Variants in DHRS7 observed in about 807,000 individuals in gnomAD.
The protein encoded by DHRS7 is dehydrogenase/reductase SDR family member 7.
In DHRS7, 34 loss-of-function variants were observed where a neutral mutation model predicts 38.9. That is an observed-to-expected ratio of 0.87 (90% CI 0.66 to 1.16). The LOEUF is 1.16. Ranked by LOEUF, DHRS7 falls within the 50% of genes most tolerant of loss-of-function variation. The pLI is 0.00. For synonymous variants in DHRS7, 158 were observed against 153.1 expected, an observed-to-expected ratio of 1.03 and a Z score of -0.24; for missense variants, 421 against 407.0, an observed-to-expected ratio of 1.03 and a Z score of -0.30.
At chr14:60,165,523 A>G (rs1013370363), upstream of DHRS7, 78 of 1,282,622 alleles carry the variant, frequency 6.1e-5, 2 homozygotes, top group Admixed American at 2.6e-3. The surrounding 1 kb of genome is among the most constrained non-coding windows in gnomAD (Gnocchi z 4.6). Context: ...CCGCGCCCTC[A>G]TGCGGCACAC....
chr14:60,167,704 CAG>C (rs1034500214), upstream of DHRS7, among the ~76,000 whole-genome samples: 2 of 152,206 alleles, frequency 1.3e-5, no homozygotes, highest in African/African-American at 4.8e-5. Flanking sequence ...TGAGTGGAAA[CAG>C]GGACTGAGGA....
intron 1 of DHRS7, chr14:60,159,041 A>G (rs1896711703): frequency 2.2e-6 from 1 of 459,126 alleles, no homozygotes; most frequent in Non-Finnish European, 4.4e-6. Flanking sequence ...ACATTCATCA[A>G]GGATTTTGTA....
At chr14:60,168,585 A>T, upstream of DHRS7, 1 of 1,351,458 alleles carries the variant, frequency 7.4e-7, no homozygotes, top group Admixed American at 2.8e-5. Context: ...TAAAGTAAAA[A>T]GTTAAAAAAA....
At chr14:60,165,528 G>C (rs1254028), upstream of DHRS7, 255,121 of 1,277,794 alleles carry the variant, frequency 0.2, 40,739 homozygotes, top group African/African-American at 0.81. This position sits in a 1 kb window ranked among gnomAD's most constrained non-coding sequence, Gnocchi z 4.6. Flanking sequence ...CCCTCATGCG[G>C]CACACCCGGC....
intron 4 of DHRS7, among the ~76,000 whole-genome samples, chr14:60,150,687 G>A (rs1469821455): frequency 6.6e-6 from 1 of 152,168 alleles, no homozygotes; most frequent in Admixed American, 6.5e-5. Context: ...TGGTGTATAT[G>A]TGCCACATTT....
At chr14:60,163,195 G>T (rs1405290155) in intron 1 of DHRS7, among the ~76,000 whole-genome samples, 1 of 124,420 alleles carries the variant, frequency 8.0e-6, no homozygotes, top group Admixed American at 9.1e-5. Context: ...AAGAAAAAAA[G>T]CTTACTCCTT....
upstream of DHRS7, among the ~76,000 whole-genome samples, chr14:60,165,959 C>G (rs1319716413): frequency 6.6e-6 from 1 of 152,208 alleles, no homozygotes; most frequent in Non-Finnish European, 1.5e-5. This position sits in a 1 kb window ranked among gnomAD's most constrained non-coding sequence, Gnocchi z 4.6. Flanking sequence ...CAACCTGATT[C>G]TGACCACACA....
chr14:60,159,248 G>C lies in DHRS7; in HGVS notation c.134-3096C>G, dbSNP rs964269249. ...TCTCAAGCTAAAATCAGAAAACCAA[G>C]TTTCTTAGACAATACACAGAAAATT... On this transcript the variant is annotated intron_variant, in intron 1 of 6. Coordinates refer to ENST00000557185, the MANE Select transcript of DHRS7 (RefSeq NM_016029.4). 4.3e-5 allele frequency: 17 copies of C among 391,384 alleles called. 1 individual carries two copies. Among genetic ancestry groups the C allele is most frequent in the Admixed American group, 4.1e-4 (10 of 24,298 alleles). 24.2% of individuals were successfully genotyped at this position (391,384 alleles called of 1,614,324 possible).
In DHRS7 at chr14:60,152,992, T is replaced by A. The variant is rs949059232; in HGVS notation, c.580A>T (p.Ile194Phe). 1 of 1,614,084 alleles carries A rather than the reference T, an allele frequency of 6.2e-7. No homozygotes were observed. Among genetic ancestry groups the A allele is most frequent in the African/African-American group, 1.3e-5 (1 of 74,936 alleles). The change falls in exon 4 of 7, where the codon ATC becomes TTC. Residue 194 changes from isoleucine to phenylalanine, a missense_variant. By Grantham distance (21) the Ile-to-Phe change is conservative. Coordinates refer to ENST00000557185, the MANE Select transcript of DHRS7 (RefSeq NM_016029.4). The part of the protein sequence containing the change: ...KIVTVNSILG[I>F]ISVPLSIGYC... Reference sequence around the variant, plus strand: ...CCAATGGAAAGAGGTACAGATATGATACCCAGGATGCTATTCACAGTAACA... The same window carrying A: ...CCAATGGAAAGAGGTACAGATATGAAACCCAGGATGCTATTCACAGTAACA...
At position 60,146,330 on chromosome 14, in the gene DHRS7, G is replaced by A. The variant is rs1404127770; in HGVS notation, c.973-1317C>T. On this transcript the variant is annotated intron_variant, in intron 6 of 6. Coordinates refer to ENST00000557185, the MANE Select transcript of DHRS7 (RefSeq NM_016029.4). This position sits in a 1 kb window ranked among gnomAD's most constrained non-coding sequence, Gnocchi z 4.9. ...ATCCTTCATATGGACATTTCTGGAA[G>A]TACTACTACAGTGGGACTGAAATTC... 6.6e-6 allele frequency: 1 copy of A among 151,988 alleles called. No individual in the cohort carries two copies. The highest frequency in any genetic ancestry group is 2.4e-5 in the African/African-American group (1 of 41,384). The allele number at this position is 151,988 out of a possible 1,614,324, so 9.4% of individuals were successfully genotyped here.
At chr14:60,166,361 G>A (rs1228045335), upstream of DHRS7, 6 of 679,830 alleles carry the variant, frequency 8.8e-6, no homozygotes, top group African/African-American at 1.9e-5. Flanking sequence ...AGTTCTGGGC[G>A]TTGATGCAGT....
chr14:60,149,697 T>C, intron 5 of DHRS7, 129 bp from the exon 6 acceptor site: 1 of 672,330 alleles, frequency 1.5e-6, no homozygotes, highest in Non-Finnish European at 2.5e-6. Context: ...GGAGTCTCCA[T>C]AGGTACTAAT....
At chr14:60,158,261 A>C (rs1485675118) in intron 1 of DHRS7, among the ~76,000 whole-genome samples, 1 of 151,072 alleles carries the variant, frequency 6.6e-6, no homozygotes, top group Non-Finnish European at 1.5e-5. Flanking sequence ...AAAAATCTCA[A>C]CTAAGGATGG....
chr14:60,163,773 A>C (rs1428111663), intron 1 of DHRS7, among the ~76,000 whole-genome samples: 1 of 152,216 alleles, frequency 6.6e-6, no homozygotes, highest in Non-Finnish European at 1.5e-5. Context: ...TATTTTTTGT[A>C]GGATTAAATA....
intron 2 of DHRS7, among the ~76,000 whole-genome samples, chr14:60,155,352 G>A (rs1896636499): frequency 6.6e-6 from 1 of 152,118 alleles, no homozygotes; most frequent in Non-Finnish European, 1.5e-5. Flanking sequence ...AGGAGGCTGA[G>A]GTACAAGAAT....
rs1427986469 is a variant in DHRS7, at chr14:60,150,172, G to A, written c.649C>T (p.Leu217Phe). ...KHALRGFFNGLRTELATYPGI... is the reference protein window; with the variant it reads ...KHALRGFFNGFRTELATYPGI... Reference sequence around the variant, plus strand: ...GGGTATGTGGCAAGTTCTGTTCGAAGGCCATTAAAAAAACCCTAACAGACA... The same window carrying A: ...GGGTATGTGGCAAGTTCTGTTCGAAAGCCATTAAAAAAACCCTAACAGACA... The change falls in exon 5 of 7, where the codon CTT (leucine) becomes TTT (phenylalanine). Residue 217 changes from leucine (L) to phenylalanine (F), a missense_variant. Coordinates refer to ENST00000557185, the MANE Select transcript of DHRS7 (RefSeq NM_016029.4). 60 of 1,491,818 alleles carry A rather than the reference G, an allele frequency of 4.0e-5. No individual in the cohort carries two copies. The highest frequency in any genetic ancestry group is 5.1e-5 in the Non-Finnish European group (57 of 1,127,712). The allele number at this position is 1,491,818 out of a possible 1,614,324, so 92.4% of individuals were successfully genotyped here.
intron 4 of DHRS7, among the ~76,000 whole-genome samples, chr14:60,152,149 A>G (rs1896559454): frequency 6.6e-6 from 1 of 152,238 alleles, no homozygotes; most frequent in Non-Finnish European, 1.5e-5. Context: ...CATGATTCCA[A>G]CAGTGAAACA....
Position 60,149,539 on chromosome 14 carries a change from G to A in DHRS7, c.786C>T (p.His262=). 6.2e-7 allele frequency: 1 copy of A among 1,613,520 alleles called. No homozygotes were observed. The highest frequency in any genetic ancestry group is 8.5e-7 in the Non-Finnish European group (1 of 1,179,578). ...KTIGNNGDQS[H]KMTTSRCVRL... The stretch of plus-strand genomic sequence containing the variant: ...GCACACAACGACTGGTTGTCATCTT[G>A]TGGGACTGGTCTCCATTATTGCCTA... The change falls in exon 6 of 7, where the codon CAC becomes CAT. Residue 262 remains histidine, a synonymous_variant. Coordinates refer to ENST00000557185, the MANE Select transcript of DHRS7 (RefSeq NM_016029.4).
At chr14:60,164,951 A>C (rs1300946955) in intron 1 of DHRS7, among the ~76,000 whole-genome samples, 1 of 152,244 alleles carries the variant, frequency 6.6e-6, no homozygotes, top group Admixed American at 6.5e-5. Context: ...CCTGAATGGC[A>C]AGTCCATGCC....
Sources: gnomAD v4.1 joint callset for allele counts (sites outside exome capture counted in the v4.1 genomes callset) on GRCh38, gnomAD v4.1.1 for gene constraint, Gnocchi (gnomAD v3.1) non-coding constraint, MANE v1.5 for transcripts, NCBI Gene and HGNC (gene_info 2026-07-23, HGNC 2026-07-21) for gene names.